Variants in DCBLD2 observed in about 807,000 individuals in gnomAD.
DCBLD2 encodes the protein discoidin, CUB and LCCL domain containing 2, also known as discoidin, CUB and LCCL domain-containing protein 2.
Under a neutral mutation model 86.8 loss-of-function variants are expected in DCBLD2, and 54 were observed. The observed-to-expected ratio is 0.62, with a 90% CI of 0.50 to 0.78. The LOEUF (loss-of-function observed/expected upper bound fraction) is 0.78. DCBLD2 is among the 30% of genes least tolerant of loss of function. The pLI is 0.00. For missense variants in DCBLD2, 908 were observed against 954.2 expected (o/e 0.95, Z 0.64); for synonymous variants, 354 against 341.3 (o/e 1.04, Z -0.41).
In DCBLD2 at chr3:98,818,489, C is replaced by T. The variant is rs142282891; in HGVS notation, c.1088-596G>A. Among the ~76,000 whole-genome samples, 346 of 152,182 alleles carry T rather than the reference C, an allele frequency of 2.3e-3. 2 individuals carry two copies. Among genetic ancestry groups the T allele is most frequent in the Non-Finnish European group, 3.6e-3 (245 of 68,016 alleles). On this transcript the variant is annotated intron_variant, in intron 8 of 15. Transcript: ENST00000326840. ...TTACAATGGAAACAAAAAGCTATTA[C>T]GAATTAAATACTGTGATGGTTAATA...
intron 2 of DCBLD2, among the ~76,000 whole-genome samples, chr3:98,865,461 G>C (rs1485162237): frequency 6.6e-6 from 1 of 152,132 alleles, no homozygotes. Flanking sequence ...AGGGGGAGTT[G>C]GAGGGATGAG....
chr3:98,877,393 A>G (rs1472064221), intron 2 of DCBLD2, among the ~76,000 whole-genome samples: 1 of 152,200 alleles, frequency 6.6e-6, no homozygotes, highest in Non-Finnish European at 1.5e-5. Flanking sequence ...TAGCAATTCT[A>G]AAACTATTTT....
At chr3:98,871,939 A>AT (rs1943287998) in intron 2 of DCBLD2, among the ~76,000 whole-genome samples, 1 of 151,698 alleles carries the variant, frequency 6.6e-6, no homozygotes, top group South Asian at 2.1e-4. Flanking sequence ...TCATTGGGAG[A>AT]TTTTTTATTA....
At chr3:98,842,090 T>C (rs1214990181) in intron 3 of DCBLD2, among the ~76,000 whole-genome samples, 1 of 152,052 alleles carries the variant, frequency 6.6e-6, no homozygotes, top group Admixed American at 6.6e-5. Context: ...GAAGTACTGT[T>C]CCAAAGTTAC....
chr3:98,847,036 T>C (rs1371247328), intron 3 of DCBLD2, among the ~76,000 whole-genome samples: 1 of 152,208 alleles, frequency 6.6e-6, no homozygotes, highest in African/African-American at 2.4e-5. Context: ...CTCTCACCTA[T>C]CAACCCAAGA....
intron 2 of DCBLD2, among the ~76,000 whole-genome samples, chr3:98,879,342 T>C (rs889532913): frequency 6.6e-6 from 1 of 152,200 alleles, no homozygotes; most frequent in Non-Finnish European, 1.5e-5. Flanking sequence ...AAAACAGTCA[T>C]TCTTTACCAT....
At position 98,881,770 on chromosome 3, in the gene DCBLD2, T is replaced by G; in HGVS notation, c.206-3A>C. On this transcript the variant is annotated splice_region_variant and splice_polypyrimidine_tract_variant and intron_variant, in intron 1 of 15. Coordinates refer to ENST00000326840, the MANE Select transcript of DCBLD2 (RefSeq NM_080927.4). The stretch of plus-strand genomic sequence containing the variant: ...TACAGTGTGTCCACATCCATCACCT[T>G]TAAAAAAAGTGAAAAGAATGATAAA... The G allele has an allele frequency of 6.3e-7, 1 of 1,582,134 alleles. No homozygotes were observed. Among genetic ancestry groups the G allele is most frequent in the Non-Finnish European group, 8.6e-7 (1 of 1,159,888 alleles).
At chr3:98,876,799 T>A (rs1943379931) in intron 2 of DCBLD2, among the ~76,000 whole-genome samples, 1 of 152,200 alleles carries the variant, frequency 6.6e-6, no homozygotes, top group Non-Finnish European at 1.5e-5. Flanking sequence ...TAAACTATGA[T>A]ACATCCACAT....
In DCBLD2 at chr3:98,811,530, G is replaced by A. The variant is rs1356206856; in HGVS notation, c.1388C>T (p.Pro463Leu). Residue 463 changes from proline to leucine, a missense_variant, in exon 11 of 16, where the codon CCT becomes CTT. Coordinates refer to ENST00000326840, the MANE Select transcript of DCBLD2 (RefSeq NM_080927.4). ...PKGRPPKLTQ[P>L]PPPRNSNDLK... is the part of the protein sequence containing the mutation. ...GTCATTGCTGTTCCGAGGAGGTGGAGGTTGAGTAAGTTTTGGAGGACGACC... is the reference window on the plus strand; with the variant it reads ...GTCATTGCTGTTCCGAGGAGGTGGAAGTTGAGTAAGTTTTGGAGGACGACC... The A allele has an allele frequency of 2.5e-6, 4 of 1,588,558 alleles. No individual in the cohort carries two copies. The highest frequency in any genetic ancestry group is 1.2e-5 in the South Asian group (1 of 85,502).
At chr3:98,828,786 A>G (rs779211362) in intron 3 of DCBLD2, among the ~76,000 whole-genome samples, 5 of 152,200 alleles carry the variant, frequency 3.3e-5, no homozygotes, top group Admixed American at 6.5e-5. Flanking sequence ...GGATAGATAA[A>G]CAAAATGGGG....
At chr3:98,834,458 T>G (rs1942390470) in intron 3 of DCBLD2, among the ~76,000 whole-genome samples, 1 of 151,924 alleles carries the variant, frequency 6.6e-6, no homozygotes, top group Middle Eastern at 3.4e-3. Context: ...TCCCCCCACC[T>G]CCTCCCCTTT....
intron 6 of DCBLD2, among the ~76,000 whole-genome samples, chr3:98,821,830 G>A (rs1018237406): frequency 9.2e-5 from 14 of 152,028 alleles, no homozygotes; most frequent in Admixed American, 3.9e-4. Flanking sequence ...GGTGGATCAC[G>A]AGGTCAGGAG....
intron 4 of DCBLD2, among the ~76,000 whole-genome samples, chr3:98,823,862 T>A (rs1182133343): frequency 2.0e-5 from 3 of 151,778 alleles, no homozygotes; most frequent in Non-Finnish European, 4.4e-5. Context: ...GGGTCTGGAG[T>A]CCATGCTCTT....
chr3:98,809,734 C>T (rs1254193327), intron 12 of DCBLD2, among the ~76,000 whole-genome samples: 1 of 152,100 alleles, frequency 6.6e-6, no homozygotes, highest in Non-Finnish European at 1.5e-5. Flanking sequence ...CCACGGGCCC[C>T]ACTGAGGGAG....
rs1941644805 is a variant in DCBLD2, at chr3:98,797,983, G to A, written c.*1389C>T. On this transcript the variant is annotated 3_prime_UTR_variant, in exon 16 of 16. Transcript: ENST00000326840. Reference sequence around the variant, plus strand: ...GCTCATGTCGTCTTGACAGTCTGAAGGCTTTAAAAGATGGTTTTACATTGT... The same window carrying A: ...GCTCATGTCGTCTTGACAGTCTGAAAGCTTTAAAAGATGGTTTTACATTGT... 2 of 152,188 alleles carry A rather than the reference G, an allele frequency of 1.3e-5. No homozygotes were observed. The highest frequency in any genetic ancestry group is 2.9e-5 in the Non-Finnish European group (2 of 68,040). 9.4% of individuals were successfully genotyped at this position (152,188 alleles called of 1,614,324 possible).
chr3:98,795,975 T>TA lies in DCBLD2; in HGVS notation c.*3396dup, dbSNP rs1941577654. The stretch of plus-strand genomic sequence containing the variant: ...AATAGAAGAATCTGGCATTTTATAG[T>TA]ATAAGGAAAAGCTACAAACCTCAAG... On this transcript the variant is annotated 3_prime_UTR_variant, in exon 16 of 16. Coordinates refer to ENST00000326840, the MANE Select transcript of DCBLD2 (RefSeq NM_080927.4). 4 of 152,608 alleles carry TA rather than the reference T, an allele frequency of 2.6e-5. No homozygotes were observed. The East Asian group carries it at 7.7e-4, about 29-fold the overall frequency. The allele number at this position is 152,608 out of a possible 1,614,324, so 9.5% of individuals were successfully genotyped here.
chr3:98,901,157 A>G lies in DCBLD2; in HGVS notation c.170T>C (p.Leu57Pro). 1 of 1,538,828 alleles carries G rather than the reference A, an allele frequency of 6.5e-7. No homozygotes were observed. Among genetic ancestry groups the G allele is most frequent in the Non-Finnish European group, 8.7e-7 (1 of 1,146,844 alleles). ...MPLFLLLLLV[L>P]LLLLEDAGAQ... is the part of the protein sequence containing the mutation. ...TCCAGCGTCCTCGAGCAGCAGGAGC[A>G]GGACAAGTAAGAGCAGGAGGAACAG... Residue 57 changes from leucine (L) to proline (P), a missense_variant, in exon 1 of 16, where the codon CTG becomes CCG. This residue lies in a region of DCBLD2 where 294 missense variants were observed against 256.0 expected (regional missense o/e 1.15). Transcript: ENST00000326840.
At chr3:98,801,515 A>G in intron 14 of DCBLD2, 85 bp downstream of exon 14, 1 of 1,083,950 alleles carries the variant, frequency 9.2e-7, no homozygotes, top group East Asian at 2.6e-5. Flanking sequence ...CCTGGGCCAG[A>G]GAATGACTCT....
At chr3:98,834,148 T>C (rs1208187046) in intron 3 of DCBLD2, among the ~76,000 whole-genome samples, 3 of 151,116 alleles carry the variant, frequency 2.0e-5, no homozygotes, top group Non-Finnish European at 4.4e-5. Context: ...TTTTCTTTTT[T>C]TTTTTTTTTT....
Sources: allele counts gnomAD v4.1 joint callset (sites outside exome capture counted in the v4.1 genomes callset), GRCh38; gene constraint gnomAD v4.1.1; regional missense constraint gnomAD v4.1.1; transcripts MANE v1.5; gene names NCBI Gene and HGNC (gene_info 2026-07-23, HGNC 2026-07-21).